PTGDS: variants seen among roughly 807,000 people sequenced by gnomAD.
PTGDS encodes prostaglandin-H2 D-isomerase.
A neutral mutation model predicts 28.4 loss-of-function variants in PTGDS; 21 were observed. The ratio of observed to expected loss-of-function variants is 0.74; its 90% CI spans 0.52 to 1.07. The LOEUF is 1.07. PTGDS is among the 50% of genes least tolerant of loss of function. The probability of loss-of-function intolerance (pLI) is 0.00; values close to 1 mark genes in which losing one functional copy is unlikely to be tolerated. For synonymous variants in PTGDS, 102 were observed against 106.0 expected (o/e 0.96, Z 0.23); for missense variants, 243 against 247.7 (o/e 0.98, Z 0.13).
chr9:136,978,636 C>A (rs56030643), intron 1 of PTGDS, among the ~76,000 whole-genome samples: 17,511 of 87,904 alleles, frequency 0.2, 2,793 homozygotes, highest in Middle Eastern at 0.38. Flanking sequence ...CGGTCAGTTC[C>A]CTGGTTGTGG....
At position 136,979,263 on chromosome 9, in the gene PTGDS, G is replaced by T. The variant is rs747346787; in HGVS notation, c.295G>T (p.Ala99Ser). The change falls in exon 3 of 7, where the codon GCG (alanine) becomes TCG (serine). Residue 99 changes from alanine to serine, a missense_variant. Ala to Ser is a moderately conservative substitution (Grantham distance 99, BLOSUM62 1). Coordinates refer to ENST00000371625, the MANE Select transcript of PTGDS (RefSeq NM_000954.6). The stretch of plus-strand genomic sequence containing the variant: ...GACCCGAACCATGCTGCTGCAGCCC[G>T]CGGGGTCCCTCGGCTCCTACAGCTA... ...CETRTMLLQP[A>S]GSLGSYSYRS... The T allele has an allele frequency of 1.2e-6, 2 of 1,612,344 alleles. No individual in the cohort carries two copies. Among genetic ancestry groups the T allele is most frequent in the African/African-American group, 1.3e-5 (1 of 74,884 alleles).
chr9:136,979,588 C>T, intron 3 of PTGDS: 1 of 799,658 alleles, frequency 1.3e-6, no homozygotes, highest in Non-Finnish European at 1.9e-6. Flanking sequence ...CCCCAAGGCC[C>T]CTCCATATGC....
chr9:136,979,441 C>A (rs1830422440), intron 3 of PTGDS, 142 bp downstream of exon 3: 1 of 1,551,186 alleles, frequency 6.4e-7, no homozygotes, highest in African/African-American at 1.4e-5. Flanking sequence ...AAAGGCCAGG[C>A]CTGGGCGTGA....
At chr9:136,980,105 A>AG in intron 4 of PTGDS, 43 bp downstream of exon 4, 1 of 1,606,558 alleles carries the variant, frequency 6.2e-7, no homozygotes, top group African/African-American at 1.3e-5. Flanking sequence ...GCCTGACCAG[A>AG]GGGGGCTCCC....
chr9:136,977,624 G>C lies in PTGDS; in HGVS notation c.46G>C (p.Val16Leu). ...GTGGATGGGACTGGCCCTGCTGGGG[G>C]TGCTGGGCGACCTGCAGGCAGCACC... is the stretch of plus-strand genomic sequence containing the variant. ...TLWMGLALLGVLGDLQAAPEA... is the reference protein window; with the variant it reads ...TLWMGLALLGLLGDLQAAPEA... The change falls in exon 1 of 7, where the codon GTG becomes CTG. Residue 16 changes from valine to leucine, a missense_variant. Physicochemically the swap from Val to Leu is conservative, Grantham distance 32. Transcript: ENST00000371625. 1 of 1,609,834 alleles carries C rather than the reference G, an allele frequency of 6.2e-7. No individual in the cohort carries two copies. Among genetic ancestry groups the C allele is most frequent in the South Asian group, 1.1e-5 (1 of 90,768 alleles).
chr9:136,980,773 G>A (rs1180894515), intron 5 of PTGDS, 60 bp from the exon 6 acceptor site: 8 of 1,614,018 alleles, frequency 5.0e-6, no homozygotes, highest in East Asian at 2.2e-5. Flanking sequence ...AGGAAGCCCA[G>A]TGGGAAAATT....
intron 3 of PTGDS, 74 bp downstream of exon 3, chr9:136,979,373 C>A: frequency 6.3e-7 from 1 of 1,580,852 alleles, no homozygotes; most frequent in Non-Finnish European, 8.6e-7. Flanking sequence ...TGGGCCAGCC[C>A]CCTGCCGCGG....
chr9:136,981,285 C>A (rs986646517), intron 6 of PTGDS, among the ~76,000 whole-genome samples: 5 of 152,110 alleles, frequency 3.3e-5, no homozygotes, highest in Admixed American at 2.0e-4. Context: ...TACATGGATG[C>A]CGTGGGACAG....
intron 1 of PTGDS, 69 bp downstream of exon 1, chr9:136,977,761 G>T: frequency 1.5e-6 from 2 of 1,368,128 alleles, no homozygotes; most frequent in Non-Finnish European, 2.0e-6. Context: ...CTTTCCGGCT[G>T]GGTCTTCCCC....
chr9:136,978,850 G>GGGGCGTGGCTGCTCGGGGGATT, intron 1 of PTGDS, 143 bp from the exon 2 acceptor site: 4 of 1,247,792 alleles, frequency 3.2e-6, no homozygotes, highest in Non-Finnish European at 4.5e-6. Context: ...CGGGGCGTGA[G>GGGGCGTGGCTGCTCGGGGGATT]GGGCGTGGCT....
At chr9:136,978,377 TCGGGAGG>T (rs1830400383) in intron 1 of PTGDS, among the ~76,000 whole-genome samples, 1 of 149,204 alleles carries the variant, frequency 6.7e-6, no homozygotes, top group East Asian at 2.0e-4. Flanking sequence ...GGGACTGTCC[TCGGGAGG>T]GGCGTGGCCA....
In PTGDS at chr9:136,977,563, G is replaced by A. The variant is rs780608359; in HGVS notation, c.-16G>A. 2.2e-5 allele frequency: 34 copies of A among 1,573,022 alleles called. No individual in the cohort carries two copies. The highest frequency in any genetic ancestry group is 2.9e-5 in the Non-Finnish European group (33 of 1,155,606). On this transcript the variant is annotated 5_prime_UTR_variant, in exon 1 of 7. Coordinates refer to ENST00000371625, the MANE Select transcript of PTGDS (RefSeq NM_000954.6). ...CACTGGCACCAGGCCCCGGACACCC[G>A]CTCTGCTGCAGGAGAATGGCTACTC...
chr9:136,979,959 C>G lies in PTGDS; in HGVS notation c.345C>G (p.Thr115=). The G allele has an allele frequency of 1.2e-6, 2 of 1,613,300 alleles. No individual in the cohort carries two copies. Among genetic ancestry groups the G allele is most frequent in the Non-Finnish European group, 1.7e-6 (2 of 1,179,936 alleles). ...YSYRSPHWGS[T]YSVSVVETDY... is the part of the protein sequence containing the mutation. ...TTGGGTTCCCAGACTGGGGCAGCAC[C>G]TACTCCGTGTCAGTGGTGGAGACCG... The change falls in exon 4 of 7, where the codon ACC becomes ACG. Residue 115 remains threonine (T), a synonymous_variant. Coordinates refer to ENST00000371625, the MANE Select transcript of PTGDS (RefSeq NM_000954.6).
chr9:136,981,451 A>G (rs935846924), intron 6 of PTGDS, 128 bp from the exon 7 acceptor site: 1 of 152,820 alleles, frequency 6.5e-6, no homozygotes, highest in African/African-American at 2.4e-5. Flanking sequence ...TTGCTCTCTC[A>G]GCGGGGCTCA....
intron 1 of PTGDS, among the ~76,000 whole-genome samples, chr9:136,978,395 G>C (rs1443813968): frequency 6.7e-6 from 1 of 150,320 alleles, no homozygotes; most frequent in Admixed American, 6.6e-5. Context: ...GGCGTGGCCA[G>C]ACGGGGGTGC....
intron 3 of PTGDS, chr9:136,979,655 T>C: frequency 1.6e-6 from 1 of 614,290 alleles, no homozygotes; most frequent in Non-Finnish European, 2.8e-6. Context: ...ACCTGGGGAA[T>C]GGCTCCCACG....
At chr9:136,977,839 AAGGAGGCTGGGTAGCCGCCCG>A (rs35224565) in intron 1 of PTGDS, 147 bp downstream of exon 1, 145,690 of 712,842 alleles carry the variant, frequency 0.2, 19,015 homozygotes, top group Admixed American at 0.34. Flanking sequence ...GGCGCGCAGG[AAGGAGGCTGGGTAGCCGCCCG>A]AGGAGGCTGC....
Position 136,980,226 on chromosome 9 carries a change from C to T in PTGDS, c.492C>T (p.Thr164=), listed in dbSNP as rs1444149735. ...TPRAELKEKF[T]AFCKAQGFTE... is the part of the protein sequence containing the mutation. ...GGGCTGAGTTAAAGGAGAAATTCAC[C>T]GCCTTCTGCAAGGCCCAGGGCTTCA... Residue 164 remains threonine, a synonymous_variant, in exon 5 of 7, where the codon ACC becomes ACT. Transcript: ENST00000371625. 29 of 1,613,970 alleles carry T rather than the reference C, an allele frequency of 1.8e-5. No homozygotes were observed. Among genetic ancestry groups the T allele is most frequent in the Admixed American group, 8.3e-5 (5 of 60,002 alleles).
intron 4 of PTGDS, 59 bp from the exon 5 acceptor site, chr9:136,980,124 A>G: frequency 1.2e-6 from 2 of 1,607,744 alleles, no homozygotes; most frequent in South Asian, 2.2e-5. Context: ...CCCAAGACCC[A>G]GGGCAGGGCA....
Sources: gnomAD v4.1 joint callset for allele counts (sites outside exome capture counted in the v4.1 genomes callset) on GRCh38, gnomAD v4.1.1 for gene constraint, MANE v1.5 for transcripts, NCBI Gene and HGNC (gene_info 2026-07-23, HGNC 2026-07-21) for gene names.